SESTD1: variants seen among roughly 807,000 people sequenced by gnomAD.
SESTD1 encodes SEC14 and spectrin domain containing 1.
SESTD1 carries 43 observed loss-of-function variants against 101.7 expected under a neutral mutation model. That is an observed-to-expected ratio of 0.42 (90% confidence interval 0.33 to 0.55). The LOEUF is 0.55. SESTD1 is among the 20% of genes least tolerant of loss of function. SESTD1 has a pLI of 0.07. For synonymous variants in SESTD1, 283 were observed against 286.8 expected, an observed-to-expected ratio of 0.99 and a Z score of 0.13; for missense variants, 647 against 815.1, an observed-to-expected ratio of 0.79 and a Z score of 2.51.
chr2:179,166,021 CAAG>C (rs1463238238), intron 5 of SESTD1, among the ~76,000 whole-genome samples: 1 of 152,188 alleles, frequency 6.6e-6, no homozygotes, highest in Non-Finnish European at 1.5e-5. Context: ...TCTGCATCTT[CAAG>C]AAGATGGAAC....
At chr2:179,218,297 T>TA (rs59574294) in intron 1 of SESTD1, among the ~76,000 whole-genome samples, 49 of 149,762 alleles carry the variant, frequency 3.3e-4, no homozygotes, top group East Asian at 2.4e-3. Context: ...AAAAATACCT[T>TA]AAAAAAAAAA....
chr2:179,135,418 G>T (rs1312910352), intron 9 of SESTD1, among the ~76,000 whole-genome samples: 2 of 151,920 alleles, frequency 1.3e-5, no homozygotes, highest in Admixed American at 6.6e-5. Flanking sequence ...GAGTCTTAAA[G>T]AATTAATATA....
chr2:179,258,389 T>C (rs1017713700), intron 1 of SESTD1, among the ~76,000 whole-genome samples: 1 of 152,188 alleles, frequency 6.6e-6, no homozygotes, highest in Non-Finnish European at 1.5e-5. Context: ...CATGCAAGGA[T>C]ACCAAATCAA....
In SESTD1 at chr2:179,219,681, T is replaced by C. The variant is rs114729668; in HGVS notation, c.-25-27815A>G. On this transcript the variant is annotated intron_variant, in intron 1 of 17. Transcript: ENST00000428443. ...CATTATTCAACTTTAGGATAATAAA[T>C]TGGTGAAGCAAGTCAACAATGGAAA... Among the ~76,000 whole-genome samples the C allele has an allele frequency of 6.4e-3, 968 of 152,330 alleles. 5 individuals carry two copies. The highest frequency in any genetic ancestry group is 9.9e-3 in the Non-Finnish European group (675 of 68,016).
In SESTD1 at chr2:179,109,042, T is replaced by C. The variant is rs1395546740; in HGVS notation, c.*857A>G. ...TCAGGGTAGTTAATAATTTTGAGAA[T>C]ATTTTTCAAGTTGAAAAAGAGAAAA... On this transcript the variant is annotated 3_prime_UTR_variant, in exon 18 of 18. Transcript: ENST00000428443. The C allele has an allele frequency of 6.6e-6, 1 of 152,498 alleles. No individual in the cohort carries two copies. Among genetic ancestry groups the C allele is most frequent in the Non-Finnish European group, 1.5e-5 (1 of 68,008 alleles). The allele number at this position is 152,498 out of a possible 1,614,324, so 9.4% of individuals were successfully genotyped here. A position where few individuals can be genotyped will look rare whatever the true frequency, so the allele number is the denominator to read the frequency against.
intron 1 of SESTD1, among the ~76,000 whole-genome samples, chr2:179,254,208 A>G (rs2047359135): frequency 6.6e-6 from 1 of 152,132 alleles, no homozygotes; most frequent in Non-Finnish European, 1.5e-5. Context: ...AACTGAACTA[A>G]GACAAAGACT....
intron 1 of SESTD1, among the ~76,000 whole-genome samples, chr2:179,240,887 G>T (rs144083991): frequency 2.0e-5 from 3 of 152,176 alleles, no homozygotes; most frequent in Non-Finnish European, 4.4e-5. Flanking sequence ...GCCCACAAGG[G>T]GCGCTGTTAG....
At chr2:179,124,276 TAGG>T (rs1003889676) in intron 11 of SESTD1, 85 bp downstream of exon 11, 1 of 1,219,580 alleles carries the variant, frequency 8.2e-7, no homozygotes. Flanking sequence ...AAAAATAATT[TAGG>T]AGGCATGCAA....
At chr2:179,247,567 G>A (rs1393927243) in intron 1 of SESTD1, among the ~76,000 whole-genome samples, 1 of 151,590 alleles carries the variant, frequency 6.6e-6, no homozygotes, top group Non-Finnish European at 1.5e-5. Flanking sequence ...TAGGACTACA[G>A]GCATGTACCA....
At chr2:179,157,502 C>G (rs964302766) in intron 5 of SESTD1, among the ~76,000 whole-genome samples, 1 of 152,026 alleles carries the variant, frequency 6.6e-6, no homozygotes, top group Non-Finnish European at 1.5e-5. Flanking sequence ...GTCATTGTTT[C>G]TTTGTTTTCA....
chr2:179,259,288 G>C (rs2047446090), intron 1 of SESTD1, among the ~76,000 whole-genome samples: 1 of 152,118 alleles, frequency 6.6e-6, no homozygotes, highest in East Asian at 1.9e-4. Context: ...CTGGAGTGCA[G>C]TGGCGCGATC....
chr2:179,120,235 AAAG>A (rs1575423824), intron 13 of SESTD1, among the ~76,000 whole-genome samples: 3 of 151,694 alleles, frequency 2.0e-5, no homozygotes, highest in African/African-American at 7.3e-5. Context: ...TTCAAAAAAA[AAAG>A]AAAAGAAAAG....
At chr2:179,201,667 G>A (rs1244494788) in intron 1 of SESTD1, among the ~76,000 whole-genome samples, 9 of 121,276 alleles carry the variant, frequency 7.4e-5, no homozygotes, top group African/African-American at 2.1e-4. Flanking sequence ...GTAAACTATC[G>A]CAAGAACAAA....
At chr2:179,244,249 G>C (rs944637707) in intron 1 of SESTD1, among the ~76,000 whole-genome samples, 3 of 152,062 alleles carry the variant, frequency 2.0e-5, no homozygotes, top group Non-Finnish European at 4.4e-5. Flanking sequence ...TTGAGATCAG[G>C]AGTTCAAAAC....
At chr2:179,118,248 G>C (rs2044676412) in intron 13 of SESTD1, among the ~76,000 whole-genome samples, 1 of 151,936 alleles carries the variant, frequency 6.6e-6, no homozygotes, top group East Asian at 1.9e-4. Flanking sequence ...TAGATGGAGG[G>C]CTTAAAAAAA....
intron 10 of SESTD1, among the ~76,000 whole-genome samples, chr2:179,126,628 G>A (rs1031230432): frequency 6.6e-6 from 1 of 151,912 alleles, no homozygotes; most frequent in African/African-American, 2.4e-5. Flanking sequence ...AGTTAATATA[G>A]GCTCTAAATA....
At chr2:179,237,468 A>C (rs1269132209) in intron 1 of SESTD1, among the ~76,000 whole-genome samples, 1 of 152,174 alleles carries the variant, frequency 6.6e-6, no homozygotes, top group South Asian at 2.1e-4. Flanking sequence ...GCATCTATTA[A>C]AAACATGTGC....
intron 1 of SESTD1, among the ~76,000 whole-genome samples, chr2:179,238,841 C>G (rs986257802): frequency 1.3e-5 from 2 of 152,112 alleles, no homozygotes; most frequent in Non-Finnish European, 2.9e-5. Flanking sequence ...TCTTTATTAA[C>G]TGACCTCTTT....
At chr2:179,234,625 A>T (rs1168948400) in intron 1 of SESTD1, among the ~76,000 whole-genome samples, 1 of 152,122 alleles carries the variant, frequency 6.6e-6, no homozygotes, top group Non-Finnish European at 1.5e-5. Context: ...TAAAAATAGT[A>T]CGAGTATACA....
Sources: gnomAD v4.1 joint callset for allele counts (sites outside exome capture counted in the v4.1 genomes callset) on GRCh38, gnomAD v4.1.1 for gene constraint, MANE v1.5 for transcripts, NCBI Gene and HGNC (gene_info 2026-07-23, HGNC 2026-07-21) for gene names.